PPARG: variants seen among roughly 807,000 people sequenced by gnomAD.
PPARG encodes the protein peroxisome proliferator-activated receptor gamma.
In PPARG, 17 loss-of-function variants were observed where a neutral mutation model predicts 39.2. The observed-to-expected ratio is 0.43, with a 90% confidence interval of 0.30 to 0.65. PPARG has a LOEUF of 0.65. PPARG is among the 30% of genes least tolerant of loss of function. The pLI, the probability that PPARG is intolerant of heterozygous loss-of-function variation, is 0.13. For synonymous variants in PPARG, 223 were observed against 215.7 expected, an observed-to-expected ratio of 1.03 and a Z score of -0.30; for missense variants, 406 against 585.9, an observed-to-expected ratio of 0.69 and a Z score of 3.17.
intron 1 of PPARG, among the ~76,000 whole-genome samples, chr3:12,304,782 G>A (rs867662766): frequency 2.0e-5 from 3 of 152,168 alleles, no homozygotes; most frequent in African/African-American, 7.2e-5. Context: ...AAAGGAAAAC[G>A]TGAATACAGA....
At chr3:12,311,940 G>A (rs1403186235) in intron 1 of PPARG, among the ~76,000 whole-genome samples, 1 of 152,116 alleles carries the variant, frequency 6.6e-6, no homozygotes, top group African/African-American at 2.4e-5. Flanking sequence ...ACTAAGGATC[G>A]TTTTTGCCAT....
At chr3:12,380,909 A>G (rs1271973297) in intron 3 of PPARG, among the ~76,000 whole-genome samples, 3 of 152,146 alleles carry the variant, frequency 2.0e-5, no homozygotes, top group East Asian at 1.9e-4. Flanking sequence ...TTCTTTTGCA[A>G]GTTGTTTCAA....
chr3:12,416,189 G>A (rs536671322), intron 6 of PPARG, among the ~76,000 whole-genome samples: 1 of 152,302 alleles, frequency 6.6e-6, no homozygotes, highest in East Asian at 1.9e-4. Context: ...GACCAGCCTG[G>A]CCAACATGGT....
At chr3:12,408,291 G>C (rs551577727) in intron 6 of PPARG, among the ~76,000 whole-genome samples, 1 of 152,174 alleles carries the variant, frequency 6.6e-6, no homozygotes, top group African/African-American at 2.4e-5. Flanking sequence ...TTTTTGTGCT[G>C]TTCTGTTCTT....
At chr3:12,310,204 A>G (rs920158732) in intron 1 of PPARG, among the ~76,000 whole-genome samples, 16 of 152,178 alleles carry the variant, frequency 1.1e-4, no homozygotes, top group Non-Finnish European at 1.9e-4. Flanking sequence ...AGTAAGAACC[A>G]GCCAAGTGTT....
At chr3:12,368,183 C>CTTTTTT (rs556381640) in intron 2 of PPARG, among the ~76,000 whole-genome samples, 6 of 133,450 alleles carry the variant, frequency 4.5e-5, no homozygotes, top group Admixed American at 7.7e-5. Flanking sequence ...TTTTCTTTTT[C>CTTTTTT]TTTTTTGTTT....
intron 2 of PPARG, among the ~76,000 whole-genome samples, chr3:12,344,116 T>C (rs1243489365): frequency 1.3e-5 from 2 of 151,988 alleles, no homozygotes; most frequent in African/African-American, 2.4e-5. Context: ...CCACCTCGGC[T>C]TCCCAAAGTC....
intron 3 of PPARG, 114 bp downstream of exon 3, chr3:12,380,045 C>T (rs2049585865): frequency 1.1e-6 from 1 of 944,862 alleles, no homozygotes; most frequent in Non-Finnish European, 1.7e-6. Context: ...AGAAGGCATT[C>T]ACCATTCATT....
At chr3:12,291,198 C>T (rs1273117558) in intron 1 of PPARG, among the ~76,000 whole-genome samples, 2 of 152,192 alleles carry the variant, frequency 1.3e-5, no homozygotes, top group Non-Finnish European at 2.9e-5. Context: ...GCACCCCCCA[C>T]AACTGAATTT....
rs1385658291 is a variant in PPARG, at chr3:12,329,747, C to T, written c.-9+17294C>T. Reference sequence around the variant, plus strand: ...CTGTCATCCCTATCTATTTCCAAAGCTTTTTCATCACCCAAACAGCTCTAT... The same window carrying T: ...CTGTCATCCCTATCTATTTCCAAAGTTTTTTCATCACCCAAACAGCTCTAT... On this transcript the variant is annotated intron_variant, in intron 2 of 7. Coordinates refer to ENST00000651735, the MANE Select transcript of PPARG (RefSeq NM_138711.6). 2.0e-5 allele frequency among the ~76,000 whole-genome samples: 3 copies of T among 152,078 alleles called. No homozygotes were observed. The East Asian group carries it at 5.8e-4, about 29-fold the overall frequency.
intron 2 of PPARG, among the ~76,000 whole-genome samples, chr3:12,377,650 A>T (rs2049466258): frequency 6.6e-6 from 1 of 152,228 alleles, no homozygotes; most frequent in South Asian, 2.1e-4. Context: ...CAAGTAGAAT[A>T]GCAAAAATTT....
In PPARG at chr3:12,324,262, G is replaced by C. The variant is rs146168421; in HGVS notation, c.-9+11809G>C. ...CCACTGCACTCCAGGCTGGGCAACA[G>C]AGCAAGACTCTGTCTCAAAAGAAAA... On this transcript the variant is annotated intron_variant, in intron 2 of 7. Coordinates refer to ENST00000651735, the MANE Select transcript of PPARG (RefSeq NM_138711.6). Among the ~76,000 whole-genome samples, 225 of 151,828 alleles carry C rather than the reference G, an allele frequency of 1.5e-3. 1 individual carries two copies. The highest frequency in any genetic ancestry group is 5.2e-3 in the African/African-American group (216 of 41,304).
At chr3:12,348,621 C>T (rs2048393263) in intron 2 of PPARG, among the ~76,000 whole-genome samples, 1 of 152,172 alleles carries the variant, frequency 6.6e-6, no homozygotes. Flanking sequence ...AGAGATGGCC[C>T]TCTTCTCAAC....
chr3:12,409,465 T>TAA (rs1439881295), intron 6 of PPARG, among the ~76,000 whole-genome samples: 2 of 152,206 alleles, frequency 1.3e-5, no homozygotes, highest in Non-Finnish European at 1.5e-5. Flanking sequence ...AGAGATTTGT[T>TAA]CTTTATCTAC....
At chr3:12,332,247 T>C (rs1356592916) in intron 2 of PPARG, among the ~76,000 whole-genome samples, 1 of 152,188 alleles carries the variant, frequency 6.6e-6, no homozygotes, top group Non-Finnish European at 1.5e-5. Flanking sequence ...ATTAAGCCAT[T>C]TTTCTGTCTT....
intron 5 of PPARG, among the ~76,000 whole-genome samples, chr3:12,394,213 T>C (rs2050179875): frequency 6.6e-6 from 1 of 152,210 alleles, no homozygotes; most frequent in Non-Finnish European, 1.5e-5. Context: ...TGAGACAGCC[T>C]AGGAAAGCAT....
intron 1 of PPARG, among the ~76,000 whole-genome samples, chr3:12,300,320 C>A (rs931142337): frequency 6.6e-6 from 1 of 152,182 alleles, no homozygotes; most frequent in Non-Finnish European, 1.5e-5. Context: ...ACTGGGCACA[C>A]AGATTACCAC....
At chr3:12,288,452 G>GCCGGGGACACGGGGACCT (rs1228670421), upstream of PPARG, among the ~76,000 whole-genome samples, 2 of 151,982 alleles carry the variant, frequency 1.3e-5, no homozygotes, top group African/African-American at 4.8e-5. Flanking sequence ...TGGGCGCGGA[G>GCCGGGGACACGGGGACCT]CCGGGGACAC....
chr3:12,366,412 T>C (rs1264893000), intron 2 of PPARG, among the ~76,000 whole-genome samples: 1 of 152,082 alleles, frequency 6.6e-6, no homozygotes, highest in Non-Finnish European at 1.5e-5. Context: ...ATTTTTACCT[T>C]CCCAATCTGT....
Sources: gnomAD v4.1 joint callset for allele counts (sites outside exome capture counted in the v4.1 genomes callset) on GRCh38, gnomAD v4.1.1 for gene constraint, MANE v1.5 for transcripts, NCBI Gene and HGNC (gene_info 2026-07-23, HGNC 2026-07-21) for gene names.